DEAF1: variants seen among roughly 807,000 people sequenced by gnomAD.
DEAF1 encodes deformed epidermal autoregulatory factor 1 homolog.
Under a neutral mutation model 58.9 loss-of-function variants are expected in DEAF1, and 53 were observed. The ratio of observed to expected loss-of-function variants is 0.90; its 90% CI spans 0.72 to 1.13. The LOEUF (loss-of-function observed/expected upper bound fraction) is 1.13, where lower values mean the gene tolerates loss of function less well. DEAF1 is among the 50% of genes most tolerant of loss of function. The probability of loss-of-function intolerance (pLI) is 0.00; values close to 1 mark genes in which losing one functional copy is unlikely to be tolerated. For missense variants in DEAF1, 685 were observed against 791.4 expected, an observed-to-expected ratio of 0.87 and a Z score of 1.61; for synonymous variants, 385 against 340.4, an observed-to-expected ratio of 1.13 and a Z score of -1.44.
At chr11:701,655 C>T (rs896818704) in intron 1 of DEAF1, among the ~76,000 whole-genome samples, 7 of 152,012 alleles carry the variant, frequency 4.6e-5, no homozygotes, top group Non-Finnish European at 1.0e-4. Flanking sequence ...CTGATCCGCC[C>T]ACCTCGGCCT....
chr11:665,317 G>A (rs1452760551), intron 10 of DEAF1, among the ~76,000 whole-genome samples: 2 of 152,068 alleles, frequency 1.3e-5, no homozygotes, highest in Non-Finnish European at 2.9e-5. Context: ...AGAGGAGGAG[G>A]ACAGGGTGTC....
chr11:695,461 C>T (rs1441514125), upstream of DEAF1: 4 of 563,104 alleles, frequency 7.1e-6, no homozygotes, highest in Middle Eastern at 4.3e-4. Context: ...CAGGGCTGGA[C>T]GGCTCTAGGC....
intron 10 of DEAF1, among the ~76,000 whole-genome samples, chr11:658,868 T>C (rs1186200254): frequency 6.6e-6 from 1 of 152,256 alleles, no homozygotes; most frequent in Non-Finnish European, 1.5e-5. Context: ...ATAGCTGGTG[T>C]ACTCTGGTCC....
At chr11:648,961 T>A (rs1858626695) in intron 11 of DEAF1, among the ~76,000 whole-genome samples, 1 of 152,144 alleles carries the variant, frequency 6.6e-6, no homozygotes, top group South Asian at 2.1e-4. Flanking sequence ...ACATTAAACA[T>A]GAGATTAGGT....
At chr11:694,640 TG>T in intron 1 of DEAF1, 118 bp downstream of exon 1, 2 of 976,898 alleles carry the variant, frequency 2.0e-6, no homozygotes, top group Non-Finnish European at 2.7e-6. Flanking sequence ...GCTGGTCACG[TG>T]GAGCAGGTGT....
Position 686,990 on chromosome 11 carries a change from C to T in DEAF1, c.672G>A (p.Arg224=). 6.2e-7 allele frequency: 1 copy of T among 1,614,158 alleles called. No individual in the cohort carries two copies. Among genetic ancestry groups the T allele is most frequent in the South Asian group, 1.1e-5 (1 of 91,078 alleles). The change falls in exon 5 of 12, where the codon CGG becomes CGA. Residue 224 remains arginine, a synonymous_variant. Coordinates refer to ENST00000382409, the MANE Select transcript of DEAF1 (RefSeq NM_021008.4). The part of the protein sequence containing the change: ...LYKNRLGSGG[R]GRCIKQGENW... The stretch of plus-strand genomic sequence containing the variant: ...TCTCCCCCTGCTTGATGCACCGTCC[C>T]CGGCCGCCTGCAAGGAAGGGCAGCA...
chr11:704,751 AGG>A, intron 1 of DEAF1: 1 of 930,468 alleles, frequency 1.1e-6, no homozygotes, highest in Non-Finnish European at 1.5e-6. Context: ...GGGGCCCGAG[AGG>A]CCAGCCTGGA....
At chr11:661,588 T>C (rs1320991569) in intron 10 of DEAF1, among the ~76,000 whole-genome samples, 3 of 152,042 alleles carry the variant, frequency 2.0e-5, no homozygotes, top group Non-Finnish European at 4.4e-5. Flanking sequence ...CAAGCGCCTG[T>C]AACCCCAGCT....
At chr11:661,008 T>C (rs1186433846) in intron 10 of DEAF1, among the ~76,000 whole-genome samples, 1 of 152,208 alleles carries the variant, frequency 6.6e-6, no homozygotes, top group Non-Finnish European at 1.5e-5. Flanking sequence ...CTGAGCTTCC[T>C]AGGAGTCAAG....
intron 10 of DEAF1, among the ~76,000 whole-genome samples, chr11:656,087 G>GC (rs1342346556): frequency 1.3e-5 from 2 of 151,022 alleles, no homozygotes; most frequent in Non-Finnish European, 2.9e-5. Flanking sequence ...ACCTGAGTCG[G>GC]CCCCCCAAAG....
upstream of DEAF1, chr11:699,871 C>A (rs1861364110): frequency 2.3e-6 from 1 of 443,540 alleles, no homozygotes; most frequent in East Asian, 4.0e-5. Context: ...CCAGTCCTGT[C>A]CACAGTCAGG....
chr11:702,526 A>G (rs924207060), intron 1 of DEAF1, among the ~76,000 whole-genome samples: 2 of 152,326 alleles, frequency 1.3e-5, no homozygotes, highest in East Asian at 1.9e-4. Flanking sequence ...TTTTTAATAC[A>G]TACTCGTGAA....
At chr11:651,789 G>C (rs1858784149) in intron 11 of DEAF1, among the ~76,000 whole-genome samples, 1 of 152,224 alleles carries the variant, frequency 6.6e-6, no homozygotes, top group African/African-American at 2.4e-5. Flanking sequence ...GGGAGGCTGA[G>C]GCAGGAGAAT....
In DEAF1 at chr11:687,975, G is replaced by A. The variant is rs2133406587; in HGVS notation, c.600C>T (p.Asp200=). 6.2e-7 allele frequency: 1 copy of A among 1,614,122 alleles called. No individual in the cohort carries two copies. The highest frequency in any genetic ancestry group is 1.1e-5 in the South Asian group (1 of 91,090). The part of the protein sequence containing the change: ...TKYNWDPSVY[D]SELPVRCRNI... ...TCCGGCACCGTACGGGCAGCTCACTGTCGTACACAGAAGGGTCCCAGTTGT... is the reference window on the plus strand; with the variant it reads ...TCCGGCACCGTACGGGCAGCTCACTATCGTACACAGAAGGGTCCCAGTTGT... Residue 200 remains aspartate, a synonymous_variant, in exon 4 of 12, where the codon GAC becomes GAT. Coordinates refer to ENST00000382409, the MANE Select transcript of DEAF1 (RefSeq NM_021008.4).
intron 11 of DEAF1, among the ~76,000 whole-genome samples, chr11:648,878 G>A (rs1858622966): frequency 6.6e-6 from 1 of 152,220 alleles, no homozygotes; most frequent in Non-Finnish European, 1.5e-5. Context: ...AAAGAAGGCA[G>A]TGAAAGAACA....
intron 10 of DEAF1, among the ~76,000 whole-genome samples, chr11:669,885 G>A (rs1179952465): frequency 7.2e-6 from 1 of 138,178 alleles, no homozygotes; most frequent in Non-Finnish European, 1.5e-5. Flanking sequence ...AGCCGAGATT[G>A]CATCAGTGTA....
chr11:644,597 C>G lies in DEAF1; in HGVS notation c.1651G>C (p.Asp551His). The G allele has an allele frequency of 1.2e-6, 2 of 1,613,262 alleles. No individual in the cohort carries two copies. Among genetic ancestry groups the G allele is most frequent in the Non-Finnish European group, 1.7e-6 (2 of 1,179,996 alleles). ...ACGCTTTCAGCCACGTGGACTTCGTCTGCCTGGACGGTGACAGCTGCTGAC... is the reference window on the plus strand; with the variant it reads ...ACGCTTTCAGCCACGTGGACTTCGTGTGCCTGGACGGTGACAGCTGCTGAC... ...GQSAAVTVQA[D>H]EVHVAESVME... Residue 551 changes from aspartate to histidine, a missense_variant, in exon 12 of 12, where the codon GAC (aspartate) becomes CAC (histidine). By Grantham distance (81) the Asp-to-His change is moderately conservative (BLOSUM62 -1). Coordinates refer to ENST00000382409, the MANE Select transcript of DEAF1 (RefSeq NM_021008.4). The surrounding 1 kb of genome is among the most constrained non-coding windows in gnomAD (Gnocchi z 4.3).
chr11:684,056 A>G (rs9734266), intron 6 of DEAF1, among the ~76,000 whole-genome samples: 27,253 of 151,836 alleles, frequency 0.18, 3,092 homozygotes, highest in African/African-American at 0.33. Flanking sequence ...TGAAATCTAT[A>G]TATCAACTAC....
rs549160953 is a variant in DEAF1 at position 685,240 on chromosome 11, A to G, written c.805-277T>C. On this transcript the variant is annotated intron_variant, in intron 5 of 11. Transcript: ENST00000382409. ...GCTGGGATTATAGGTTTGCACCACC[A>G]CACCCAGCTAATTTTTGTATTTTTA... 2.0e-5 allele frequency among the ~76,000 whole-genome samples: 3 copies of G among 151,920 alleles called. No individual in the cohort carries two copies. In the East Asian group the frequency reaches 5.9e-4, roughly 30 times the overall value.
Sources: gnomAD v4.1 joint callset for allele counts (sites outside exome capture counted in the v4.1 genomes callset) on GRCh38, gnomAD v4.1.1 for gene constraint, Gnocchi (gnomAD v3.1) non-coding constraint, MANE v1.5 for transcripts, NCBI Gene and HGNC (gene_info 2026-07-23, HGNC 2026-07-21) for gene names.